The following PLXNA4 variants were observed in gnomAD, a reference collection of about 807,000 sequenced individuals.
The protein encoded by PLXNA4 is plexin A4, also known as plexin-A4.
In PLXNA4, 44 loss-of-function variants were observed where a neutral mutation model predicts 191.8. The ratio of observed to expected loss-of-function variants is 0.23; its 90% CI spans 0.18 to 0.29. PLXNA4 has a LOEUF of 0.29. PLXNA4 is among the 10% of genes least tolerant of loss of function. The pLI, the probability that PLXNA4 is intolerant of heterozygous loss-of-function variation, is 1.00. For synonymous variants in PLXNA4, 1,082 were observed against 1,009.5 expected, an observed-to-expected ratio of 1.07 and a Z score of -1.36; for missense variants, 1,800 against 2,488.8, an observed-to-expected ratio of 0.72 and a Z score of 5.89.
intron 3 of PLXNA4, among the ~76,000 whole-genome samples, chr7:132,313,776 T>G (rs1023873375): frequency 3.9e-5 from 6 of 152,136 alleles, no homozygotes; most frequent in Non-Finnish European, 5.9e-5. Flanking sequence ...AGGTGGATTG[T>G]GATATCATGA....
intron 13 of PLXNA4, 39 bp downstream of exon 13, chr7:132,198,446 C>A: frequency 6.2e-7 from 1 of 1,602,852 alleles, no homozygotes. Context: ...CCCGTCTTCC[C>A]TCCCCTGTTC....
In PLXNA4 at chr7:132,564,059, T is replaced by C. The variant is rs1250632381; in HGVS notation, c.-87+12363A>G. Among the ~76,000 whole-genome samples the C allele has an allele frequency of 3.6e-5, 4 of 109,700 alleles. 1 individual carries two copies. The highest frequency in any genetic ancestry group is 1.1e-4 in the African/African-American group (3 of 28,194). The allele number at this position is 109,700 out of a possible 152,430, so 72.0% of individuals were successfully genotyped here. On this transcript the variant is annotated intron_variant, in intron 1 of 31. Coordinates refer to ENST00000321063, the MANE Select transcript of PLXNA4 (RefSeq NM_020911.2). ...CTCCTCCTTTTCCTCCCCCTCTTTC[T>C]CCTCCTCCTTCTCCTCCTCCTCCTT...
chr7:132,561,854 C>CT (rs1801131154), intron 1 of PLXNA4, among the ~76,000 whole-genome samples: 1 of 139,058 alleles, frequency 7.2e-6, no homozygotes. Flanking sequence ...CCTCCTCCTC[C>CT]TTATCCTCCT....
At chr7:132,505,479 G>C (rs1585238745) in intron 2 of PLXNA4, among the ~76,000 whole-genome samples, 1 of 70,304 alleles carries the variant, frequency 1.4e-5, no homozygotes, top group African/African-American at 3.2e-5. Flanking sequence ...AAAAGAACTT[G>C]TTGTTGTTTA....
intron 4 of PLXNA4, among the ~76,000 whole-genome samples, chr7:132,283,499 C>T (rs1453373143): frequency 5.3e-5 from 8 of 152,122 alleles, no homozygotes; most frequent in Admixed American, 1.3e-4. Context: ...AACAGCTGCC[C>T]GGACTTCAAG....
At chr7:132,423,841 G>A (rs1794939324) in intron 3 of PLXNA4, among the ~76,000 whole-genome samples, 1 of 152,106 alleles carries the variant, frequency 6.6e-6, no homozygotes, top group Admixed American at 6.5e-5. Flanking sequence ...TACTCACATA[G>A]CAACACATGG....
intron 2 of PLXNA4, among the ~76,000 whole-genome samples, chr7:132,645,067 C>A (rs1803840625): frequency 6.6e-6 from 1 of 152,196 alleles, no homozygotes; most frequent in South Asian, 2.1e-4. Flanking sequence ...GCTTAGTTTG[C>A]AGAGCTGAGT....
Position 132,508,398 on chromosome 7 carries a change from C to G in PLXNA4, c.296G>C (p.Arg99Pro), listed in dbSNP as rs374157944. The change falls in exon 2 of 32, where the codon CGC becomes CCC. Residue 99 changes from arginine (R) to proline (P), a missense_variant. Arg to Pro is a moderately radical substitution (Grantham distance 103). Around this residue, in one of 6 missense-constraint regions of PLXNA4, gnomAD observed 1,397 missense variants for 1,880.4 expected, o/e 0.74. Transcript: ENST00000321063. This position sits in a 1 kb window ranked among gnomAD's most constrained non-coding sequence, Gnocchi z 4.4. Reference protein sequence around the residue: ...DEDNPKCYPPRIVQTCNEPLT... With the variant: ...DEDNPKCYPPPIVQTCNEPLT... ...GGGCTCATTGCAGGTCTGGACGATG[C>G]GGGGTGGGTAACACTTGGGGTTGTC... is the stretch of plus-strand genomic sequence containing the variant. The G allele has an allele frequency of 6.2e-7, 1 of 1,614,134 alleles. No individual in the cohort carries two copies. The highest frequency in any genetic ancestry group is 8.5e-7 in the Non-Finnish European group (1 of 1,180,028).
intron 3 of PLXNA4, among the ~76,000 whole-genome samples, chr7:132,352,652 T>C (rs775191059): frequency 2.0e-5 from 3 of 152,160 alleles, no homozygotes; most frequent in Admixed American, 2.0e-4. Flanking sequence ...GCGAACACTC[T>C]CCGGGCTGGT....
At chr7:132,220,563 G>A (rs565034645) in intron 9 of PLXNA4, among the ~76,000 whole-genome samples, 2 of 152,150 alleles carry the variant, frequency 1.3e-5, no homozygotes, top group African/African-American at 4.8e-5. Flanking sequence ...GAGGATTTCA[G>A]TATGGCAGCA....
chr7:132,287,356 G>A (rs1340467521), intron 4 of PLXNA4, among the ~76,000 whole-genome samples: 2 of 152,158 alleles, frequency 1.3e-5, no homozygotes, highest in Non-Finnish European at 1.5e-5. Flanking sequence ...AATGATGACA[G>A]CAACCACAAC....
chr7:132,206,107 G>C (rs1406039250), intron 10 of PLXNA4, among the ~76,000 whole-genome samples: 2 of 152,316 alleles, frequency 1.3e-5, no homozygotes, highest in East Asian at 3.9e-4. Flanking sequence ...GTGACCAGCT[G>C]TGTGAAATGA....
chr7:132,481,890 G>T (rs1797352639), intron 3 of PLXNA4, among the ~76,000 whole-genome samples: 1 of 152,184 alleles, frequency 6.6e-6, no homozygotes. Flanking sequence ...GGTCCTGTGG[G>T]TGTGGCGACT....
At chr7:132,325,924 CCCTT>C (rs900021182) in intron 3 of PLXNA4, among the ~76,000 whole-genome samples, 2 of 152,188 alleles carry the variant, frequency 1.3e-5, no homozygotes, top group Non-Finnish European at 2.9e-5. Flanking sequence ...GACACAGTAG[CCCTT>C]CCTACCCACT....
At chr7:132,142,020 T>C (rs909978081) in intron 29 of PLXNA4, among the ~76,000 whole-genome samples, 4 of 152,218 alleles carry the variant, frequency 2.6e-5, no homozygotes, top group African/African-American at 7.2e-5. Context: ...CGTGAGCCAC[T>C]GTGCCTGGCC....
upstream of PLXNA4, chr7:132,577,089 C>A (rs1227681055): frequency 1.4e-5 from 2 of 146,508 alleles, no homozygotes; most frequent in South Asian, 1.8e-4. Context: ...GCCGGCTGCT[C>A]CCCGGGGAGG....
At chr7:132,574,880 C>T (rs953165004) in intron 1 of PLXNA4, among the ~76,000 whole-genome samples, 1 of 152,210 alleles carries the variant, frequency 6.6e-6, no homozygotes, top group African/African-American at 2.4e-5. Context: ...AGCACTGAGG[C>T]CTCCTTGTTC....
At chr7:132,530,344 T>C (rs1223091008) in intron 1 of PLXNA4, among the ~76,000 whole-genome samples, 1 of 152,162 alleles carries the variant, frequency 6.6e-6, no homozygotes, top group African/African-American at 2.4e-5. Flanking sequence ...GACAACATAT[T>C]TGCAAATCAA....
intron 3 of PLXNA4, among the ~76,000 whole-genome samples, chr7:132,418,530 G>A (rs1351071887): frequency 6.6e-6 from 1 of 152,192 alleles, no homozygotes; most frequent in African/African-American, 2.4e-5. Flanking sequence ...GATGCCTATT[G>A]TTAATGTCTT....
Sources: gnomAD v4.1 joint callset for allele counts (sites outside exome capture counted in the v4.1 genomes callset) on GRCh38, gnomAD v4.1.1 for gene constraint, gnomAD v4.1.1 regional missense constraint, Gnocchi (gnomAD v3.1) non-coding constraint, MANE v1.5 for transcripts, NCBI Gene and HGNC (gene_info 2026-07-23, HGNC 2026-07-21) for gene names.